The following SOX6 variants were observed in gnomAD, a reference collection of about 807,000 sequenced individuals.
SOX6 encodes SRY-box transcription factor 6.
A neutral mutation model predicts 97.8 loss-of-function variants in SOX6; 11 were observed. That is an observed-to-expected ratio of 0.11 (90% CI 0.07 to 0.19). The LOEUF (loss-of-function observed/expected upper bound fraction) is 0.19, where lower values mean the gene tolerates loss of function less well. SOX6 is among the 10% of genes least tolerant of loss of function. SOX6 has a pLI of 1.00. For missense variants in SOX6, 810 were observed against 1,039.5 expected (o/e 0.78, Z 3.04); for synonymous variants, 360 against 371.4 (o/e 0.97, Z 0.35).
chr11:16,561,641 C>T (rs11603453), intron 4 of SOX6, among the ~76,000 whole-genome samples: 58,263 of 152,036 alleles, frequency 0.38, 12,376 homozygotes, highest in Non-Finnish European at 0.46. Flanking sequence ...TAGTTTATGG[C>T]AGGAGTTTTC....
intron 6 of SOX6, among the ~76,000 whole-genome samples, chr11:16,112,751 GA>G (rs1849260936): frequency 6.6e-6 from 1 of 152,144 alleles, no homozygotes; most frequent in African/African-American, 2.4e-5. Context: ...TCATGCTTGT[GA>G]AAATTACATT....
chr11:16,314,382 G>A (rs1855703075), intron 3 of SOX6: 4 of 151,784 alleles, frequency 2.6e-5, no homozygotes, highest in Admixed American at 2.6e-4. Flanking sequence ...TGGCTTCCAA[G>A]GCAGAAGTAA....
intron 3 of SOX6, among the ~76,000 whole-genome samples, chr11:16,633,959 A>T (rs1590023199): frequency 6.6e-6 from 1 of 152,248 alleles, no homozygotes; most frequent in Non-Finnish European, 1.5e-5. Flanking sequence ...TATCATAATG[A>T]TCAAGATTCA....
chr11:16,304,452 T>C (rs1397678769), intron 3 of SOX6, among the ~76,000 whole-genome samples: 1 of 152,142 alleles, frequency 6.6e-6, no homozygotes, highest in Non-Finnish European at 1.5e-5. Flanking sequence ...AACAAGGCAC[T>C]ATCTATGAAG....
intron 1 of SOX6, among the ~76,000 whole-genome samples, chr11:16,379,328 T>C (rs1274078609): frequency 6.6e-6 from 1 of 151,692 alleles, no homozygotes; most frequent in Non-Finnish European, 1.5e-5. Flanking sequence ...CCACCGGGCA[T>C]GGTGGCTCAT....
intron 3 of SOX6, among the ~76,000 whole-genome samples, chr11:16,711,673 ATACT>A (rs1415183980): frequency 1.3e-5 from 2 of 152,136 alleles, no homozygotes; most frequent in South Asian, 4.2e-4. Flanking sequence ...CTATACTCTA[ATACT>A]TACTGATCAT....
At chr11:16,283,876 T>G in intron 3 of SOX6, 1 of 417,780 alleles carries the variant, frequency 2.4e-6, no homozygotes, top group South Asian at 1.8e-5. Context: ...AGTTATGGTT[T>G]AAAATAACTA....
At chr11:16,690,443 T>C (rs181606914) in intron 3 of SOX6, among the ~76,000 whole-genome samples, 7 of 152,362 alleles carry the variant, frequency 4.6e-5, no homozygotes, top group Admixed American at 6.5e-5. Context: ...TCTTTATTCT[T>C]GCTTAGTTCT....
At chr11:16,255,573 C>T (rs889645417) in intron 3 of SOX6, among the ~76,000 whole-genome samples, 1 of 152,008 alleles carries the variant, frequency 6.6e-6, no homozygotes, top group Non-Finnish European at 1.5e-5. Flanking sequence ...AAAAATACAA[C>T]TTCTCAAAGT....
chr11:16,092,886 C>A (rs575147382), intron 9 of SOX6, among the ~76,000 whole-genome samples: 10 of 151,356 alleles, frequency 6.6e-5, no homozygotes, highest in African/African-American at 2.4e-4. Flanking sequence ...TTAGTTCCCA[C>A]GACAATATTT....
intron 1 of SOX6, among the ~76,000 whole-genome samples, chr11:16,468,798 CA>C (rs1860087744): frequency 6.6e-6 from 1 of 152,144 alleles, no homozygotes; most frequent in South Asian, 2.1e-4. Context: ...CAGTGCCAGA[CA>C]AAAGCCCTGA....
chr11:16,700,808 G>A (rs1366463374), intron 3 of SOX6, among the ~76,000 whole-genome samples: 1 of 152,040 alleles, frequency 6.6e-6, no homozygotes, highest in Non-Finnish European at 1.5e-5. Flanking sequence ...TGCTATTGCT[G>A]GTCTCTGGGT....
intron 4 of SOX6, among the ~76,000 whole-genome samples, chr11:16,586,344 A>C (rs889661798): frequency 6.6e-5 from 10 of 152,172 alleles, no homozygotes; most frequent in African/African-American, 2.4e-4. Flanking sequence ...AAAGGAAAGA[A>C]AACAAGTGTT....
rs539613890 is a variant in SOX6, at chr11:16,551,717, C to CCT, written n.609+60362_609+60363dup. The stretch of plus-strand genomic sequence containing the variant: ...CTCCCGGGTTCAAGCAATTCTCCTG[C>CCT]CTCAGCCTCCTGAGTAGCTGGGATT... On this transcript the variant is annotated intron_variant and non_coding_transcript_variant, in intron 4 of 5. Coordinates refer to the SOX6 transcript ENST00000524520. 9.1e-4 allele frequency among the ~76,000 whole-genome samples: 138 copies of CCT among 152,216 alleles called. 3 individuals are homozygous for CCT. The South Asian group carries it at 0.027, about 29-fold the overall frequency.
intron 3 of SOX6, among the ~76,000 whole-genome samples, chr11:16,299,341 A>G (rs567502586): frequency 6.6e-6 from 1 of 152,246 alleles, no homozygotes; most frequent in Admixed American, 6.5e-5. Context: ...CGACCAAGCA[A>G]TTATTTAGAA....
chr11:16,582,964 A>T (rs1011618975), intron 4 of SOX6, among the ~76,000 whole-genome samples: 3 of 152,118 alleles, frequency 2.0e-5, no homozygotes, highest in African/African-American at 7.2e-5. Flanking sequence ...AGACGCTACT[A>T]TCAAAACCCT....
At chr11:16,426,641 G>C (rs959850332) in intron 1 of SOX6, among the ~76,000 whole-genome samples, 18 of 151,830 alleles carry the variant, frequency 1.2e-4, no homozygotes, top group Non-Finnish European at 2.2e-4. Flanking sequence ...CTGGCCGGGC[G>C]CGGTGGCTCA....
At chr11:16,582,526 T>C (rs1589994418) in intron 4 of SOX6, among the ~76,000 whole-genome samples, 1 of 152,068 alleles carries the variant, frequency 6.6e-6, no homozygotes, top group African/African-American at 2.4e-5. Flanking sequence ...TGTGGATATA[T>C]GAATAAATGC....
At chr11:16,099,013 T>C (rs958045332) in intron 7 of SOX6, among the ~76,000 whole-genome samples, 7 of 151,928 alleles carry the variant, frequency 4.6e-5, no homozygotes, top group Admixed American at 3.3e-4. Context: ...GCTTCTAATC[T>C]ACACAGTCTC....
Sources: allele counts gnomAD v4.1 joint callset (sites outside exome capture counted in the v4.1 genomes callset), GRCh38; gene constraint gnomAD v4.1.1; transcripts MANE v1.5; gene names NCBI Gene and HGNC (gene_info 2026-07-23, HGNC 2026-07-21).